Variants in NME7 observed in about 807,000 individuals in gnomAD.
The protein encoded by NME7 is nucleoside diphosphate kinase 7.
Under a neutral mutation model 49.1 loss-of-function variants are expected in NME7, and 41 were observed. That is an observed-to-expected ratio of 0.83 (90% CI 0.65 to 1.08). The LOEUF is 1.08. Ranked by LOEUF, NME7 falls within the 50% of genes least tolerant of loss-of-function variation. The pLI is 0.00. For synonymous variants in NME7, 139 were observed against 150.6 expected, an observed-to-expected ratio of 0.92 and a Z score of 0.56; for missense variants, 423 against 463.4, an observed-to-expected ratio of 0.91 and a Z score of 0.80.
At chr1:169,136,166 T>G (rs1246682401) in intron 11 of NME7, among the ~76,000 whole-genome samples, 3 of 152,128 alleles carry the variant, frequency 2.0e-5, no homozygotes, top group Non-Finnish European at 4.4e-5. Context: ...TTGGAGTGCT[T>G]CAAGGAGTAT....
Position 169,323,117 on chromosome 1 carries a change from TTTTC to T in NME7, c.274_277del (p.Glu92LysfsTer3). On this transcript the variant is annotated frameshift_variant and splice_region_variant, in exon 3 of 12. Transcript: ENST00000367811. LOFTEE classifies it high-confidence loss of function. ...AAAGATTATATAATTGTTTTCTTAC[TTTTC>T]TTTCCTACTGCCCAGCTGGCGAGCT... 1.3e-6 allele frequency: 2 copies of T among 1,548,102 alleles called. No homozygotes were observed.
intron 11 of NME7, among the ~76,000 whole-genome samples, chr1:169,140,851 G>A (rs1658572122): frequency 6.6e-6 from 1 of 152,010 alleles, no homozygotes; most frequent in Non-Finnish European, 1.5e-5. Context: ...GAACCAAAAA[G>A]TAGATGCTTA....
intron 10 of NME7, among the ~76,000 whole-genome samples, chr1:169,207,564 A>G (rs1250984411): frequency 1.3e-5 from 2 of 152,160 alleles, no homozygotes; most frequent in African/African-American, 4.8e-5. Flanking sequence ...AAAAGAGACA[A>G]CAAAGAAAAA....
intron 9 of NME7, among the ~76,000 whole-genome samples, chr1:169,233,869 T>A (rs1417627185): frequency 6.6e-6 from 1 of 152,128 alleles, no homozygotes; most frequent in Non-Finnish European, 1.5e-5. Flanking sequence ...GTAAATTTTG[T>A]CTGCTCTTCT....
At chr1:169,205,410 C>A (rs1034252408) in intron 10 of NME7, among the ~76,000 whole-genome samples, 2 of 152,078 alleles carry the variant, frequency 1.3e-5, no homozygotes, top group African/African-American at 4.8e-5. Flanking sequence ...TCCCATCTTG[C>A]CCATTATGTG....
At chr1:169,156,374 C>T (rs555345483) in intron 11 of NME7, among the ~76,000 whole-genome samples, 2 of 151,826 alleles carry the variant, frequency 1.3e-5, no homozygotes, top group Non-Finnish European at 2.9e-5. Context: ...GAACCATTTC[C>T]CAGGGAATAG....
At chr1:169,159,461 T>C (rs1242080590) in intron 11 of NME7, among the ~76,000 whole-genome samples, 8 of 152,196 alleles carry the variant, frequency 5.3e-5, no homozygotes, top group Non-Finnish European at 1.2e-4. Flanking sequence ...AAATTAATTA[T>C]TAATTTGTCA....
At chr1:169,258,387 TATATATATATATATATATAC>T (rs1442089520) in intron 7 of NME7, among the ~76,000 whole-genome samples, 2 of 63,538 alleles carry the variant, frequency 3.1e-5, no homozygotes, top group African/African-American at 1.0e-4. Context: ...TATATATATA[TATATATATATATATATATAC>T]ACACACACAC....
chr1:169,312,481 G>A (rs1651434561), intron 3 of NME7, among the ~76,000 whole-genome samples: 1 of 152,286 alleles, frequency 6.6e-6, no homozygotes, highest in Non-Finnish European at 1.5e-5. Context: ...GATGCAGCGT[G>A]AGATATTCTC....
rs574653678 is a variant in NME7, at chr1:169,254,951, T to C, written c.755-17264A>G. On this transcript the variant is annotated intron_variant, in intron 7 of 11. Transcript: ENST00000367811. ...AGATAGTTTGTTATAATTTCTGTTC[T>C]TTTACATTTGCTGAGGAGAGCTTTA... Among the ~76,000 whole-genome samples the C allele has an allele frequency of 1.5e-5, 2 of 133,620 alleles. 1 individual carries two copies. The highest frequency in any genetic ancestry group is 4.6e-4 in the South Asian group (2 of 4,354). 87.7% of individuals were successfully genotyped at this position (133,620 alleles called of 152,430 possible).
chr1:169,158,689 T>C (rs1659154004), intron 11 of NME7, among the ~76,000 whole-genome samples: 1 of 152,192 alleles, frequency 6.6e-6, no homozygotes, highest in Non-Finnish European at 1.5e-5. Context: ...TCAAATTTCA[T>C]GGGCATCAGA....
intron 7 of NME7, among the ~76,000 whole-genome samples, chr1:169,261,610 G>A (rs929072147): frequency 7.5e-6 from 1 of 133,186 alleles, no homozygotes; most frequent in Non-Finnish European, 1.8e-5. Flanking sequence ...CTGCCATAGT[G>A]AACAAACTAG....
chr1:169,318,444 A>G (rs1369404685), intron 3 of NME7, among the ~76,000 whole-genome samples: 1 of 152,154 alleles, frequency 6.6e-6, no homozygotes, highest in East Asian at 1.9e-4. Context: ...AGACAAGTAA[A>G]TTGGTAAGAT....
At chr1:169,279,457 T>G (rs951573896) in intron 7 of NME7, among the ~76,000 whole-genome samples, 2 of 152,194 alleles carry the variant, frequency 1.3e-5, no homozygotes, top group African/African-American at 2.4e-5. Flanking sequence ...GTGCTAGCAA[T>G]CAACGAGACT....
intron 7 of NME7, among the ~76,000 whole-genome samples, chr1:169,245,491 T>C (rs567116228): frequency 2.6e-5 from 4 of 152,236 alleles, no homozygotes; most frequent in Admixed American, 2.0e-4. Context: ...AAACGATTTT[T>C]AAAAATGAAA....
chr1:169,301,324 G>A (rs1260945738), intron 5 of NME7, among the ~76,000 whole-genome samples: 3 of 152,004 alleles, frequency 2.0e-5, no homozygotes, highest in African/African-American at 2.4e-5. Flanking sequence ...ACGAAAAAAC[G>A]CTCAATATCA....
In NME7 at chr1:169,333,406, A is replaced by G. The variant is rs12757669; in HGVS notation, c.4-8906T>C. On this transcript the variant is annotated intron_variant, in intron 1 of 11. Transcript: ENST00000367811. ...TGACTAAGACCTAATATTTGATAGC[A>G]GAGTAGGGTGACTGTAGCCAATAAT... is the stretch of plus-strand genomic sequence containing the variant. Among the ~76,000 whole-genome samples, 8,622 of 152,178 alleles carry G rather than the reference A, an allele frequency of 0.057. 1,380 individuals carry two copies. The East Asian group carries it at 0.66, about 12-fold the overall frequency.
intron 11 of NME7, among the ~76,000 whole-genome samples, chr1:169,156,988 A>G (rs796101934): frequency 6.6e-6 from 1 of 152,354 alleles, no homozygotes; most frequent in African/African-American, 2.4e-5. Context: ...CCACATGCAC[A>G]TATTTCAGGT....
intron 10 of NME7, among the ~76,000 whole-genome samples, chr1:169,208,617 A>C (rs1660737815): frequency 6.6e-6 from 1 of 152,116 alleles, no homozygotes; most frequent in Admixed American, 6.5e-5. Context: ...TTTCTATTCT[A>C]ATCATTTCTG....
Sources: gnomAD v4.1 joint callset for allele counts (sites outside exome capture counted in the v4.1 genomes callset) on GRCh38, gnomAD v4.1.1 for gene constraint, MANE v1.5 for transcripts, NCBI Gene and HGNC (gene_info 2026-07-23, HGNC 2026-07-21) for gene names.